The following SLC30A9 variants were observed in gnomAD, a reference collection of about 807,000 sequenced individuals.
The protein encoded by SLC30A9 is solute carrier family 30 member 9.
Under a neutral mutation model 87.5 loss-of-function variants are expected in SLC30A9, and 58 were observed. The ratio of observed to expected loss-of-function variants is 0.66; its 90% confidence interval spans 0.54 to 0.82. SLC30A9 has a LOEUF of 0.82. SLC30A9 is among the 40% of genes least tolerant of loss of function. The pLI is 0.00. For synonymous variants in SLC30A9, 234 were observed against 233.0 expected, an observed-to-expected ratio of 1.00 and a Z score of -0.04; for missense variants, 557 against 679.1, an observed-to-expected ratio of 0.82 and a Z score of 2.00.
At chr4:42,003,082 A>G (rs1450575331) in intron 2 of SLC30A9, among the ~76,000 whole-genome samples, 1 of 152,074 alleles carries the variant, frequency 6.6e-6, no homozygotes, top group Non-Finnish European at 1.5e-5. Flanking sequence ...TCTTATTTCT[A>G]TTGTGATTCT....
intron 9 of SLC30A9, among the ~76,000 whole-genome samples, chr4:42,058,545 T>C (rs776433202): frequency 2.0e-5 from 3 of 152,230 alleles, no homozygotes; most frequent in Non-Finnish European, 4.4e-5. Flanking sequence ...ACCAATTTAC[T>C]GTATTATTCT....
chr4:42,029,419 C>T (rs762254883), intron 6 of SLC30A9: 13 of 579,814 alleles, frequency 2.2e-5, no homozygotes, highest in Middle Eastern at 2.8e-4. Context: ...ATATCAGAAC[C>T]ACATATCAGG....
At chr4:42,030,930 T>C (rs1332236925) in intron 6 of SLC30A9, among the ~76,000 whole-genome samples, 1 of 152,204 alleles carries the variant, frequency 6.6e-6, no homozygotes, top group Non-Finnish European at 1.5e-5. Flanking sequence ...TTCTTTTACT[T>C]TCCTTTTTTC....
In SLC30A9 at chr4:42,066,594, G is replaced by C; in HGVS notation, c.1117G>C (p.Ala373Pro). 6.2e-7 allele frequency: 1 copy of C among 1,606,858 alleles called. No individual in the cohort carries two copies. Among genetic ancestry groups the C allele is most frequent in the Non-Finnish European group, 8.5e-7 (1 of 1,175,706 alleles). The change falls in exon 13 of 18, where the codon GCT becomes CCT. Residue 373 changes from alanine to proline, a missense_variant. Ala to Pro is a conservative substitution (Grantham distance 27). Around this residue, in one of 2 missense-constraint regions of SLC30A9, gnomAD observed 467 missense variants for 529.8 expected, o/e 0.88. Transcript: ENST00000264451. The part of the protein sequence containing the change: ...AVNELRRNAR[A>P]KGMSFYKYVM... Reference sequence around the variant, plus strand: ...AAATGAACTTCGTAGGAATGCTCGGGCTAAAGGAATGTCATTTTACAAGTA... The same window carrying C: ...AAATGAACTTCGTAGGAATGCTCGGCCTAAAGGAATGTCATTTTACAAGTA...
At chr4:42,082,263 C>T (rs1429462019) in intron 17 of SLC30A9, among the ~76,000 whole-genome samples, 1 of 151,552 alleles carries the variant, frequency 6.6e-6, no homozygotes, top group Non-Finnish European at 1.5e-5. Context: ...GATAATAAAG[C>T]ATAATTAATC....
At chr4:42,062,357 T>C (rs752876820) in intron 10 of SLC30A9, among the ~76,000 whole-genome samples, 1 of 152,196 alleles carries the variant, frequency 6.6e-6, no homozygotes, top group Non-Finnish European at 1.5e-5. Flanking sequence ...TAATACTAAG[T>C]ATTGTGTCAG....
chr4:42,084,347 A>G (rs748836044), intron 17 of SLC30A9, among the ~76,000 whole-genome samples: 2 of 152,180 alleles, frequency 1.3e-5, no homozygotes, highest in Non-Finnish European at 2.9e-5. Flanking sequence ...CGATAGGTGT[A>G]GATTTAGTTC....
chr4:42,001,572 T>G (rs575655161), intron 1 of SLC30A9, 44 bp from the exon 2 acceptor site: 1 of 1,312,604 alleles, frequency 7.6e-7, no homozygotes, highest in South Asian at 1.3e-5. Context: ...ATTATGCAGC[T>G]AGGACTTGGT....
At chr4:42,028,661 T>C (rs1716292071) in intron 6 of SLC30A9, among the ~76,000 whole-genome samples, 1 of 152,232 alleles carries the variant, frequency 6.6e-6, no homozygotes, top group South Asian at 2.1e-4. Flanking sequence ...TAAATCTTGT[T>C]TGCTGTTGAA....
Position 42,070,574 on chromosome 4 carries a change from T to C in SLC30A9, c.1301T>C (p.Leu434Ser), listed in dbSNP as rs779788857. The part of the protein sequence containing the change: ...SLGSLGVGTL[L>S]GMVSAFLIYT... ...GGTTCTTTGGGTGTGGGCACCTTAT[T>C]AGGCATGGTCTCAGCATTCCTCATC... Residue 434 changes from leucine (L) to serine (S), a missense_variant, in exon 15 of 18, where the codon TTA (leucine) becomes TCA (serine). Physicochemically the swap from Leu to Ser is moderately radical, Grantham distance 145. This residue lies in a region of SLC30A9 where 467 missense variants were observed against 529.8 expected (regional missense o/e 0.88). Coordinates refer to ENST00000264451, the MANE Select transcript of SLC30A9 (RefSeq NM_006345.4). The C allele has an allele frequency of 2.5e-6, 4 of 1,613,962 alleles. No individual in the cohort carries two copies. In the Admixed American group the frequency reaches 6.7e-5, roughly 27 times the overall value.
chr4:42,005,214 G>A (rs1001259559), intron 2 of SLC30A9, among the ~76,000 whole-genome samples: 4 of 152,010 alleles, frequency 2.6e-5, no homozygotes, highest in Non-Finnish European at 5.9e-5. Flanking sequence ...TTTGTATCTT[G>A]AAAGTATTTG....
At chr4:42,013,427 CTG>C (rs771497973) in intron 2 of SLC30A9, among the ~76,000 whole-genome samples, 3 of 152,130 alleles carry the variant, frequency 2.0e-5, no homozygotes, top group Non-Finnish European at 4.4e-5. Flanking sequence ...AAGAAAAAAA[CTG>C]TGGAGGAATA....
intron 6 of SLC30A9, among the ~76,000 whole-genome samples, chr4:42,034,045 G>A (rs568265105): frequency 6.7e-6 from 1 of 149,672 alleles, no homozygotes; most frequent in Non-Finnish European, 1.5e-5. Flanking sequence ...ACCATGAGAA[G>A]CCTTGTAAAT....
chr4:41,991,929 A>G (rs1035479907), intron 1 of SLC30A9, among the ~76,000 whole-genome samples: 8 of 152,190 alleles, frequency 5.3e-5, no homozygotes, highest in South Asian at 4.1e-4. Flanking sequence ...AGAATTTCAA[A>G]CGGATAAATT....
chr4:42,024,750 T>G (rs1716114540), intron 6 of SLC30A9, among the ~76,000 whole-genome samples: 1 of 152,214 alleles, frequency 6.6e-6, no homozygotes, highest in Non-Finnish European at 1.5e-5. Context: ...TTAACTTTTT[T>G]GTGTATTTGA....
chr4:42,049,111 A>G (rs1299393872), intron 8 of SLC30A9, among the ~76,000 whole-genome samples: 6 of 152,102 alleles, frequency 3.9e-5, no homozygotes, highest in Admixed American at 3.9e-4. Context: ...AAAGGCGTGC[A>G]CTACCACACC....
Position 42,090,387 on chromosome 4 carries a change from G to C in SLC30A9, c.*4261G>C, listed in dbSNP as rs978290928. The C allele has an allele frequency of 6.6e-6, 1 of 152,034 alleles. No homozygotes were observed. The highest frequency in any genetic ancestry group is 1.5e-5 in the Non-Finnish European group (1 of 68,020). 9.4% of individuals were successfully genotyped at this position (152,034 alleles called of 1,614,324 possible). A position where few individuals can be genotyped will look rare whatever the true frequency, so the allele number is the denominator to read the frequency against. On this transcript the variant is annotated 3_prime_UTR_variant, in exon 18 of 18. Transcript: ENST00000264451. ...GTATTTCATCTGTCTGATTTCCCTG[G>C]CACATTAAGATGGTCCTGGTCCCTC... is the stretch of plus-strand genomic sequence containing the variant.
At chr4:42,013,547 C>T (rs1054398826) in intron 2 of SLC30A9, among the ~76,000 whole-genome samples, 2 of 151,994 alleles carry the variant, frequency 1.3e-5, no homozygotes, top group Admixed American at 6.5e-5. Context: ...AAGACAGACA[C>T]ATAAACCAAT....
intron 9 of SLC30A9, among the ~76,000 whole-genome samples, chr4:42,058,879 C>T (rs1717734581): frequency 6.6e-6 from 1 of 152,170 alleles, no homozygotes; most frequent in Non-Finnish European, 1.5e-5. Flanking sequence ...ACAGTCAAAC[C>T]ATATCAGGGT....
Sources: allele counts gnomAD v4.1 joint callset (sites outside exome capture counted in the v4.1 genomes callset), GRCh38; gene constraint gnomAD v4.1.1; regional missense constraint gnomAD v4.1.1; transcripts MANE v1.5; gene names NCBI Gene and HGNC (gene_info 2026-07-23, HGNC 2026-07-21).